Variants in HACD3 observed in about 807,000 individuals in gnomAD.
HACD3 encodes very-long-chain (3R)-3-hydroxyacyl-CoA dehydratase 3.
Under a neutral mutation model 55.2 loss-of-function variants are expected in HACD3, and 30 were observed. The observed-to-expected ratio is 0.54, with a 90% confidence interval of 0.41 to 0.74. The LOEUF (loss-of-function observed/expected upper bound fraction) is 0.74, where lower values mean the gene tolerates loss of function less well. HACD3 is among the 30% of genes least tolerant of loss of function. The probability of loss-of-function intolerance (pLI) is 0.00; values close to 1 mark genes in which losing one functional copy is unlikely to be tolerated. For synonymous variants in HACD3, 141 were observed against 151.7 expected (o/e 0.93, Z 0.52); for missense variants, 363 against 440.1 (o/e 0.82, Z 1.57).
At chr15:65,561,934 C>G (rs1025051705) in intron 5 of HACD3, among the ~76,000 whole-genome samples, 1 of 152,174 alleles carries the variant, frequency 6.6e-6, no homozygotes, top group Non-Finnish European at 1.5e-5. Context: ...CAGGGAAACA[C>G]ATTTGTTCAT....
At chr15:65,570,284 G>A (rs2072335573) in intron 8 of HACD3, 81 bp downstream of exon 8, 4 of 1,034,214 alleles carry the variant, frequency 3.9e-6, no homozygotes, top group South Asian at 1.4e-5. Flanking sequence ...TGTTATCTTA[G>A]CCAGAGTCTC....
intron 7 of HACD3, chr15:65,566,783 A>T (rs945862092): frequency 2.0e-5 from 3 of 151,992 alleles, no homozygotes; most frequent in Non-Finnish European, 4.4e-5. Flanking sequence ...AACATTTAAA[A>T]CCCCAGGGTT....
intron 1 of HACD3, among the ~76,000 whole-genome samples, chr15:65,545,455 A>AT (rs1166511305): frequency 0.024 from 3,453 of 141,220 alleles, 55 homozygotes; most frequent in Non-Finnish European, 0.027. Flanking sequence ...TGGATCCTGG[A>AT]TTTTTTTTTT....
intron 1 of HACD3, among the ~76,000 whole-genome samples, chr15:65,537,156 C>G (rs1214517352): frequency 6.6e-6 from 1 of 152,134 alleles, no homozygotes; most frequent in African/African-American, 2.4e-5. Flanking sequence ...AAATTTGAAG[C>G]TAGCAGAAGT....
chr15:65,537,950 AAAAAAAAAATATATAT>A (rs1485042883), intron 1 of HACD3, among the ~76,000 whole-genome samples: 3 of 52,530 alleles, frequency 5.7e-5, no homozygotes, highest in East Asian at 2.8e-3. Context: ...AAAAAAAAAA[AAAAAAAAAATATATAT>A]ATATATATAT....
intron 10 of HACD3, 37 bp downstream of exon 10, chr15:65,572,403 C>T (rs753943514): frequency 6.0e-5 from 90 of 1,498,352 alleles, no homozygotes; most frequent in East Asian, 9.5e-5. Context: ...TTTTTCTTGT[C>T]ACTTCTTAGA....
At position 65,572,225 on chromosome 15, in the gene HACD3, C is replaced by T; in HGVS notation, c.881-10C>T. On this transcript the variant is annotated splice_polypyrimidine_tract_variant and intron_variant, in intron 9 of 10. Coordinates refer to ENST00000261875, the MANE Select transcript of HACD3 (RefSeq NM_016395.4). ...ATTTGCTTCTAACAAGTTCTTGTTTCTGTTTTCAGCTGTCTCAGTGATTCA... is the reference window on the plus strand; with the variant it reads ...ATTTGCTTCTAACAAGTTCTTGTTTTTGTTTTCAGCTGTCTCAGTGATTCA... 6.2e-7 allele frequency: 1 copy of T among 1,610,092 alleles called. No homozygotes were observed. Among genetic ancestry groups the T allele is most frequent in the Non-Finnish European group, 8.5e-7 (1 of 1,179,172 alleles).
At chr15:65,557,947 T>G (rs1036125775) in intron 4 of HACD3, among the ~76,000 whole-genome samples, 2 of 151,654 alleles carry the variant, frequency 1.3e-5, no homozygotes, top group Non-Finnish European at 2.9e-5. Flanking sequence ...CTGTTTTTTT[T>G]TTTTTTTTTG....
intron 1 of HACD3, among the ~76,000 whole-genome samples, chr15:65,537,972 T>A (rs896008707): frequency 0.069 from 215 of 3,110 alleles, no homozygotes; most frequent in Non-Finnish European, 0.1. Flanking sequence ...TATATATATA[T>A]ATATATATAT....
At position 65,556,895 on chromosome 15, in the gene HACD3, A is replaced by G; in HGVS notation, c.361A>G (p.Arg121Gly). The stretch of plus-strand genomic sequence containing the variant: ...TGAATCTGATGCGGAAATGGAGCTC[A>G]GAGCTAAGGTTAGTAAGGATCCTAG... ...LDESDAEMELRAKEEERLNKL... is the reference protein window; with the variant it reads ...LDESDAEMELGAKEEERLNKL... Residue 121 changes from arginine to glycine, a missense_variant, in exon 4 of 11, where the codon AGA (arginine) becomes GGA (glycine). By Grantham distance (125) the Arg-to-Gly change is moderately radical. Transcript: ENST00000261875. The G allele has an allele frequency of 3.1e-6, 5 of 1,611,932 alleles. No individual in the cohort carries two copies. Among genetic ancestry groups the G allele is most frequent in the Non-Finnish European group, 3.4e-6 (4 of 1,178,946 alleles).
chr15:65,541,019 A>G (rs2072014316), intron 1 of HACD3, among the ~76,000 whole-genome samples: 4 of 152,188 alleles, frequency 2.6e-5, no homozygotes, highest in Admixed American at 2.0e-4. Context: ...TAAGATTTTG[A>G]CTTAAGCACA....
chr15:65,550,947 A>C (rs942959901), intron 1 of HACD3: 3 of 152,248 alleles, frequency 2.0e-5, no homozygotes, highest in Non-Finnish European at 4.4e-5. Context: ...GAAGGTATGT[A>C]GCAACTTCTG....
chr15:65,547,458 C>T (rs912308062), intron 1 of HACD3, among the ~76,000 whole-genome samples: 1 of 152,176 alleles, frequency 6.6e-6, no homozygotes, highest in Non-Finnish European at 1.5e-5. Context: ...TAGGTAACCT[C>T]TGCCTAACAT....
chr15:65,566,967 T>G (rs553424240), intron 7 of HACD3: 10 of 152,280 alleles, frequency 6.6e-5, no homozygotes, highest in African/African-American at 2.4e-4. Context: ...TCCTCCCACC[T>G]TGTGTAGATG....
At chr15:65,556,396 C>G (rs141266148) in intron 3 of HACD3, among the ~76,000 whole-genome samples, 105 of 152,276 alleles carry the variant, frequency 6.9e-4, no homozygotes, top group African/African-American at 2.3e-3. Flanking sequence ...AGTTCACGCT[C>G]CTATGTGAAT....
chr15:65,546,675 A>C (rs1198744661), intron 1 of HACD3, among the ~76,000 whole-genome samples: 1 of 152,140 alleles, frequency 6.6e-6, no homozygotes, highest in East Asian at 1.9e-4. Context: ...TACTGGCATC[A>C]AGTGATCTGC....
intron 5 of HACD3, among the ~76,000 whole-genome samples, chr15:65,561,890 TTTGA>T (rs1053684425): frequency 3.9e-5 from 6 of 152,256 alleles, no homozygotes; most frequent in African/African-American, 1.2e-4. Context: ...GCTCCTGTGG[TTTGA>T]TTGATTTGCT....
At chr15:65,550,665 C>T (rs1417306092) in intron 1 of HACD3, among the ~76,000 whole-genome samples, 1 of 152,162 alleles carries the variant, frequency 6.6e-6, no homozygotes, top group Non-Finnish European at 1.5e-5. Context: ...CAACAATAGT[C>T]GTTTATTGTC....
intron 4 of HACD3, 105 bp from the exon 5 acceptor site, chr15:65,558,575 G>A (rs1000476814): frequency 3.9e-6 from 4 of 1,026,124 alleles, no homozygotes; most frequent in South Asian, 1.4e-5. Context: ...CCCAACTGGA[G>A]GAGTTGGCTT....
Sources: allele counts gnomAD v4.1 joint callset (sites outside exome capture counted in the v4.1 genomes callset), GRCh38; gene constraint gnomAD v4.1.1; transcripts MANE v1.5; gene names NCBI Gene and HGNC (gene_info 2026-07-23, HGNC 2026-07-21).